IRAG2: variants seen among roughly 807,000 people sequenced by gnomAD.
IRAG2 encodes lymphoid restricted membrane protein.
IRAG2 carries 45 observed loss-of-function variants against 69.9 expected under a neutral mutation model. The ratio of observed to expected loss-of-function variants is 0.64; its 90% CI spans 0.51 to 0.83. IRAG2 has a LOEUF of 0.83. Ranked by LOEUF, IRAG2 falls within the 40% of genes least tolerant of loss-of-function variation. The pLI is 0.00. For synonymous variants in IRAG2, 193 were observed against 202.4 expected, an observed-to-expected ratio of 0.95 and a Z score of 0.40; for missense variants, 520 against 587.0, an observed-to-expected ratio of 0.89 and a Z score of 1.18.
chr12:25,043,691 T>C (rs765731028), intron 16 of IRAG2, among the ~76,000 whole-genome samples: 3 of 152,082 alleles, frequency 2.0e-5, no homozygotes, highest in Non-Finnish European at 4.4e-5. Context: ...TTAGTGTGAG[T>C]GTTTGAGACC....
At chr12:25,103,809 TA>T in intron 17 of IRAG2, 27 bp from the exon 18 acceptor site, 1 of 1,535,800 alleles carries the variant, frequency 6.5e-7, no homozygotes, top group Non-Finnish European at 9.0e-7. Context: ...GAGAGTTTTC[TA>T]AATGTACATT....
chr12:25,059,460 T>A (rs1434252757), intron 1 of IRAG2, among the ~76,000 whole-genome samples: 1 of 152,188 alleles, frequency 6.6e-6, no homozygotes, highest in African/African-American at 2.4e-5. Context: ...CAAGCAATTC[T>A]CCTGCCTCAG....
chr12:25,047,188 A>G (rs1389578144), intron 16 of IRAG2, among the ~76,000 whole-genome samples: 1 of 152,248 alleles, frequency 6.6e-6, no homozygotes, highest in African/African-American at 2.4e-5. Flanking sequence ...TGGATTAAAG[A>G]TGTAAATTTA....
At chr12:25,083,681 G>A (rs1295104712) in intron 10 of IRAG2, among the ~76,000 whole-genome samples, 188 bp downstream of exon 10, 1 of 152,192 alleles carries the variant, frequency 6.6e-6, no homozygotes, top group Non-Finnish European at 1.5e-5. Flanking sequence ...CTTGTCTAAA[G>A]TCACACAACA....
At chr12:25,012,927 A>AT (rs1944488800) in intron 3 of IRAG2, among the ~76,000 whole-genome samples, 1 of 152,260 alleles carries the variant, frequency 6.6e-6, no homozygotes, top group Non-Finnish European at 1.5e-5. Flanking sequence ...GAAATGTTGC[A>AT]TGCCATACAC....
At chr12:25,079,578 T>C in intron 8 of IRAG2, 78 bp from the exon 9 acceptor site, 1 of 1,280,640 alleles carries the variant, frequency 7.8e-7, no homozygotes, top group Non-Finnish European at 1.1e-6. Context: ...AAATACTCCT[T>C]TTGCATAGTA....
At chr12:25,077,187 T>TATATATGAAATATATATATG (rs1378332145) in intron 6 of IRAG2, among the ~76,000 whole-genome samples, 4 of 63,216 alleles carry the variant, frequency 6.3e-5, no homozygotes, top group Non-Finnish European at 1.5e-4. Context: ...ATATATATGA[T>TATATATGAAATATATATATG]ATATATATGA....
In IRAG2 at chr12:25,090,041, A is replaced by G; in HGVS notation, c.466-16A>G. The G allele has an allele frequency of 6.2e-7, 1 of 1,612,434 alleles. No individual in the cohort carries two copies. The highest frequency in any genetic ancestry group is 1.1e-5 in the South Asian group (1 of 90,858). On this transcript the variant is annotated splice_polypyrimidine_tract_variant and intron_variant, in intron 13 of 21. Coordinates refer to ENST00000556887, the MANE Select transcript of IRAG2 (RefSeq NM_001366544.2). The stretch of plus-strand genomic sequence containing the variant: ...TTTCTCTCCTCTTCCTCACCCTCAC[A>G]TTATTTTGACAACAGGCAGAATTTC...
chr12:25,009,410 T>C (rs534127548), intron 2 of IRAG2, among the ~76,000 whole-genome samples: 4 of 152,114 alleles, frequency 2.6e-5, no homozygotes, highest in Non-Finnish European at 4.4e-5. Flanking sequence ...TTAGGATGAG[T>C]GGGGCTTATT....
intron 6 of IRAG2, 82 bp downstream of exon 6, chr12:25,069,513 CT>C: frequency 1.6e-6 from 2 of 1,275,978 alleles, no homozygotes; most frequent in Non-Finnish European, 2.2e-6. Context: ...TTTTCCCTGT[CT>C]TTTTTATTTT....
intron 16 of IRAG2, among the ~76,000 whole-genome samples, chr12:25,042,909 C>T (rs1339309532): frequency 6.6e-6 from 1 of 151,220 alleles, no homozygotes; most frequent in Admixed American, 6.6e-5. Context: ...CCTTAAAGTC[C>T]TTTTGCTTTC....
intron 1 of IRAG2, among the ~76,000 whole-genome samples, chr12:25,055,679 C>T (rs1945203715): frequency 1.3e-5 from 2 of 152,152 alleles, no homozygotes; most frequent in African/African-American, 4.8e-5. Flanking sequence ...TTGTTCAATT[C>T]CCACCTGTGA....
exon 14 of IRAG2, chr12:25,035,767 A>G (rs1328439588): frequency 2.5e-6 from 1 of 398,918 alleles, no homozygotes; most frequent in East Asian, 3.6e-5. Context: ...AGTGGAATTC[A>G]CAGCCACGCT....
chr12:25,007,191 G>T (rs1944439796), intron 2 of IRAG2, among the ~76,000 whole-genome samples: 1 of 151,974 alleles, frequency 6.6e-6, no homozygotes. Flanking sequence ...CTCTACTCTG[G>T]ATTATTTTGA....
At position 25,079,611 on chromosome 12, in the gene IRAG2, T is replaced by C. The variant is rs1947059921; in HGVS notation, c.137-45T>C. On this transcript the variant is annotated intron_variant, in intron 8 of 21. Transcript: ENST00000556887. ...GTATAGTTAAATACACTATATATAATATTATGTGCATAGTATTCGCACCAT... is the reference window on the plus strand; with the variant it reads ...GTATAGTTAAATACACTATATATAACATTATGTGCATAGTATTCGCACCAT... 4 of 1,308,284 alleles carry C rather than the reference T, an allele frequency of 3.1e-6. No homozygotes were observed. The East Asian group carries it at 9.2e-5, about 30-fold the overall frequency. The allele number at this position is 1,308,284 out of a possible 1,614,324, so 81.0% of individuals were successfully genotyped here.
Position 25,007,950 on chromosome 12 carries a change from A to T in IRAG2, c.688+2596A>T, listed in dbSNP as rs1210726440. 2.0e-5 allele frequency among the ~76,000 whole-genome samples: 3 copies of T among 151,440 alleles called. No individual in the cohort carries two copies. In the East Asian group the frequency reaches 5.8e-4, roughly 29 times the overall value. On this transcript the variant is annotated intron_variant, in intron 2 of 38. Coordinates refer to the IRAG2 transcript ENST00000636465. Reference sequence around the variant, plus strand: ...ATAAAAGTTTGAGGGTTTTTATTTTATTTTTTTTTATTTTATGGGGGCAAG... The same window carrying T: ...ATAAAAGTTTGAGGGTTTTTATTTTTTTTTTTTTTATTTTATGGGGGCAAG...
intron 6 of IRAG2, chr12:25,075,791 A>C (rs1946655616): frequency 6.6e-6 from 1 of 152,180 alleles, no homozygotes; most frequent in Admixed American, 6.5e-5. Context: ...GACTTGAGCC[A>C]ATCTTCTACA....
At position 25,079,756 on chromosome 12, in the gene IRAG2, G is replaced by A. The variant is rs763302308; in HGVS notation, c.237G>A (p.Glu79=). 1.2e-6 allele frequency: 2 copies of A among 1,610,108 alleles called. No individual in the cohort carries two copies. Among genetic ancestry groups the A allele is most frequent in the Non-Finnish European group, 1.7e-6 (2 of 1,176,370 alleles). ...EDTRSASPTI[E]AQGTSPAHDN... The stretch of plus-strand genomic sequence containing the variant: ...CAAGATCAGCTTCTCCCACGATAGA[G>A]GCCCAAGGTAAAATGTTGACAGGTG... Residue 79 remains glutamate, a synonymous_variant, in exon 9 of 22, where the codon GAG becomes GAA. Coordinates refer to ENST00000556887, the MANE Select transcript of IRAG2 (RefSeq NM_001366544.2).
chr12:25,019,608 C>T (rs1944561730), intron 6 of IRAG2, among the ~76,000 whole-genome samples: 1 of 152,144 alleles, frequency 6.6e-6, no homozygotes, highest in Non-Finnish European at 1.5e-5. Flanking sequence ...TGCTCCTCTG[C>T]CAGTGGAGCT....
Sources: gnomAD v4.1 joint callset for allele counts (sites outside exome capture counted in the v4.1 genomes callset) on GRCh38, gnomAD v4.1.1 for gene constraint, MANE v1.5 for transcripts, NCBI Gene and HGNC (gene_info 2026-07-23, HGNC 2026-07-21) for gene names.